CCDC85A: variants seen among roughly 807,000 people sequenced by gnomAD.
CCDC85A encodes coiled-coil domain-containing protein 85A.
Under a neutral mutation model 50.2 loss-of-function variants are expected in CCDC85A, and 38 were observed. The ratio of observed to expected loss-of-function variants is 0.76; its 90% CI spans 0.58 to 0.99. The LOEUF (loss-of-function observed/expected upper bound fraction) is 0.99, where lower values mean the gene tolerates loss of function less well. Ranked by LOEUF, CCDC85A falls within the 50% of genes least tolerant of loss-of-function variation. The pLI, the probability that CCDC85A is intolerant of heterozygous loss-of-function variation, is 0.00. For synonymous variants in CCDC85A, 366 were observed against 301.4 expected, an observed-to-expected ratio of 1.21 and a Z score of -2.22; for missense variants, 820 against 742.0, an observed-to-expected ratio of 1.11 and a Z score of -1.22.
intron 2 of CCDC85A, among the ~76,000 whole-genome samples, chr2:56,301,840 A>G: frequency 6.6e-6 from 1 of 152,214 alleles, no homozygotes; most frequent in South Asian, 2.1e-4. Flanking sequence ...GAGCATTAGG[A>G]CAAATACCTA....
In CCDC85A at chr2:56,366,843, G is replaced by A. The variant is rs550621348; in HGVS notation, c.1318-5501G>A. 2.6e-5 allele frequency among the ~76,000 whole-genome samples: 4 copies of A among 152,124 alleles called. No individual in the cohort carries two copies. The East Asian group carries it at 5.8e-4, about 22-fold the overall frequency. ...ACCACATGTGACGCAGAGAGTAGTC[G>A]CCTCCTGGTCCAGATTTCTCCTTCT... On this transcript the variant is annotated intron_variant, in intron 3 of 5. Coordinates refer to ENST00000407595, the MANE Select transcript of CCDC85A (RefSeq NM_001080433.2).
chr2:56,347,430 A>G (rs1351432474), intron 3 of CCDC85A, among the ~76,000 whole-genome samples: 2 of 152,210 alleles, frequency 1.3e-5, no homozygotes, highest in African/African-American at 4.8e-5. Flanking sequence ...ATTTTTTCCA[A>G]CATTTATCTT....
At chr2:56,269,385 G>T (rs1055368039) in intron 2 of CCDC85A, among the ~76,000 whole-genome samples, 4 of 151,258 alleles carry the variant, frequency 2.6e-5, no homozygotes, top group Admixed American at 6.6e-5. Context: ...AAGTTGGAGT[G>T]GAAGGAAGCA....
intron 2 of CCDC85A, among the ~76,000 whole-genome samples, chr2:56,306,692 A>C (rs887031584): frequency 6.6e-6 from 1 of 152,190 alleles, no homozygotes; most frequent in Admixed American, 6.6e-5. Context: ...GAGATCTTCT[A>C]GGTATACTAA....
intron 2 of CCDC85A, among the ~76,000 whole-genome samples, chr2:56,231,428 C>T (rs1373886480): frequency 1.3e-5 from 2 of 152,144 alleles, no homozygotes; most frequent in African/African-American, 4.8e-5. Context: ...GTAATTAAGT[C>T]TATGGGTTCT....
chr2:56,345,427 G>C (rs544849211), intron 3 of CCDC85A, among the ~76,000 whole-genome samples: 1 of 152,302 alleles, frequency 6.6e-6, no homozygotes, highest in Admixed American at 6.5e-5. Context: ...ACTTGTCAAA[G>C]TAATTTAATA....
At chr2:56,262,975 T>G (rs1670282689) in intron 2 of CCDC85A, among the ~76,000 whole-genome samples, 1 of 152,208 alleles carries the variant, frequency 6.6e-6, no homozygotes, top group Non-Finnish European at 1.5e-5. Context: ...AGAGAACATT[T>G]TTTTTTTCAA....
intron 2 of CCDC85A, among the ~76,000 whole-genome samples, chr2:56,237,832 A>G (rs1047802758): frequency 6.6e-6 from 1 of 152,010 alleles, no homozygotes; most frequent in African/African-American, 2.4e-5. Flanking sequence ...GAAGAGAAAG[A>G]TATTTATGGG....
At chr2:56,326,078 A>G (rs1673456993) in intron 2 of CCDC85A, among the ~76,000 whole-genome samples, 1 of 152,264 alleles carries the variant, frequency 6.6e-6, no homozygotes, top group East Asian at 1.9e-4. Flanking sequence ...AAACTTGCTT[A>G]ATTTGGCCTT....
intron 2 of CCDC85A, among the ~76,000 whole-genome samples, chr2:56,200,857 T>C (rs1388249613): frequency 6.6e-6 from 1 of 152,162 alleles, no homozygotes; most frequent in Non-Finnish European, 1.5e-5. Flanking sequence ...GTCTTGGGAC[T>C]TCATCCTGGC....
At chr2:56,312,638 C>T (rs903614829) in intron 2 of CCDC85A, among the ~76,000 whole-genome samples, 4 of 152,140 alleles carry the variant, frequency 2.6e-5, no homozygotes, top group Non-Finnish European at 4.4e-5. Context: ...TGGTCAGAAA[C>T]AAACACCCAA....
chr2:56,322,808 G>A (rs998328176), intron 2 of CCDC85A, among the ~76,000 whole-genome samples: 6 of 152,096 alleles, frequency 3.9e-5, no homozygotes. Context: ...ATACCCAAAG[G>A]ATTATAAATC....
chr2:56,264,001 G>A (rs562137415), intron 2 of CCDC85A, among the ~76,000 whole-genome samples: 1 of 152,272 alleles, frequency 6.6e-6, no homozygotes, highest in African/African-American at 2.4e-5. Context: ...GATAGCTGAT[G>A]AGCTAAAAAA....
chr2:56,228,818 T>G (rs571986033), intron 2 of CCDC85A, among the ~76,000 whole-genome samples: 1 of 152,058 alleles, frequency 6.6e-6, no homozygotes, highest in Non-Finnish European at 1.5e-5. Context: ...CAGGCATGAG[T>G]CACCACACCA....
At chr2:56,381,972 T>C (rs17190247) in intron 5 of CCDC85A, among the ~76,000 whole-genome samples, 16,290 of 152,032 alleles carry the variant, frequency 0.11, 928 homozygotes, top group Admixed American at 0.14. Flanking sequence ...CTTGTTTACC[T>C]TTAAAAGTTC....
At chr2:56,334,112 A>C (rs749601778) in intron 2 of CCDC85A, among the ~76,000 whole-genome samples, 1 of 152,144 alleles carries the variant, frequency 6.6e-6, no homozygotes, top group Non-Finnish European at 1.5e-5. Flanking sequence ...GTCTTCCCCA[A>C]ATCTCTCTAT....
At chr2:56,310,599 G>T (rs936669214) in intron 2 of CCDC85A, among the ~76,000 whole-genome samples, 14 of 152,218 alleles carry the variant, frequency 9.2e-5, no homozygotes, top group African/African-American at 2.9e-4. Flanking sequence ...CAAAAAATTT[G>T]ATCTACTTCA....
At chr2:56,239,113 G>T (rs950635736) in intron 2 of CCDC85A, among the ~76,000 whole-genome samples, 3 of 152,076 alleles carry the variant, frequency 2.0e-5, no homozygotes, top group South Asian at 2.1e-4. Flanking sequence ...ATGTTGAAGA[G>T]AGAGGAGTAT....
chr2:56,292,052 C>A (rs964585068), intron 2 of CCDC85A, among the ~76,000 whole-genome samples: 1 of 152,126 alleles, frequency 6.6e-6, no homozygotes, highest in East Asian at 1.9e-4. Context: ...TATTGCATCA[C>A]AGGCACATTC....
Sources: allele counts gnomAD v4.1 joint callset (sites outside exome capture counted in the v4.1 genomes callset), GRCh38; gene constraint gnomAD v4.1.1; transcripts MANE v1.5; gene names NCBI Gene and HGNC (gene_info 2026-07-23, HGNC 2026-07-21).